Variants in DSCAM observed in about 807,000 individuals in gnomAD.
DSCAM encodes the protein cell adhesion molecule DSCAM.
A neutral mutation model predicts 217.7 loss-of-function variants in DSCAM; 47 were observed. The ratio of observed to expected loss-of-function variants is 0.22; its 90% CI spans 0.17 to 0.28. DSCAM has a LOEUF of 0.28. Ranked by LOEUF, DSCAM falls within the 10% of genes least tolerant of loss-of-function variation. DSCAM has a pLI of 1.00. For synonymous variants in DSCAM, 1,056 were observed against 1,015.3 expected (o/e 1.04, Z -0.76); for missense variants, 2,080 against 2,618.3 (o/e 0.79, Z 4.49).
At chr21:40,716,684 G>C (rs904486130) in intron 1 of DSCAM, among the ~76,000 whole-genome samples, 2 of 152,194 alleles carry the variant, frequency 1.3e-5, no homozygotes, top group Admixed American at 1.3e-4. Flanking sequence ...ACAGGGCAGG[G>C]TGAAAAGGGG....
intron 3 of DSCAM, among the ~76,000 whole-genome samples, chr21:40,571,396 CAA>C (rs1185348463): frequency 1.6e-4 from 24 of 152,078 alleles, no homozygotes; most frequent in Admixed American, 6.6e-5. Flanking sequence ...ATGAATGCTT[CAA>C]AAAATCACAT....
At chr21:40,390,271 G>A (rs2075122086) in intron 3 of DSCAM, among the ~76,000 whole-genome samples, 1 of 152,182 alleles carries the variant, frequency 6.6e-6, no homozygotes, top group African/African-American at 2.4e-5. Flanking sequence ...CTGCACAGGG[G>A]TAAAAAGTGT....
intron 3 of DSCAM, among the ~76,000 whole-genome samples, chr21:40,435,193 C>T (rs1302695921): frequency 6.6e-6 from 1 of 152,202 alleles, no homozygotes; most frequent in East Asian, 1.9e-4. Context: ...AGTGGCCTTG[C>T]CCCGCAGCTG....
intron 3 of DSCAM, among the ~76,000 whole-genome samples, chr21:40,386,603 C>T (rs1221445584): frequency 6.6e-6 from 1 of 152,212 alleles, no homozygotes; most frequent in Non-Finnish European, 1.5e-5. Context: ...ATAGTGAGTG[C>T]CCGTGGATCT....
At chr21:40,306,234 C>T (rs972005846) in intron 9 of DSCAM, among the ~76,000 whole-genome samples, 1 of 144,636 alleles carries the variant, frequency 6.9e-6, no homozygotes, top group African/African-American at 2.8e-5. Flanking sequence ...CATAATTTGG[C>T]TCTCTGTTTG....
chr21:40,513,854 T>A (rs1162725111), intron 3 of DSCAM, among the ~76,000 whole-genome samples: 1 of 152,068 alleles, frequency 6.6e-6, no homozygotes, highest in East Asian at 1.9e-4. Context: ...AAAAACTGTA[T>A]GTAACAACAA....
intron 27 of DSCAM, among the ~76,000 whole-genome samples, chr21:40,070,550 G>A (rs914577908): frequency 2.0e-5 from 3 of 152,300 alleles, no homozygotes; most frequent in Admixed American, 1.3e-4. Context: ...GTGCATGTGT[G>A]CTACTCATGC....
intron 3 of DSCAM, among the ~76,000 whole-genome samples, chr21:40,402,956 G>A (rs1357154427): frequency 6.8e-6 from 1 of 147,538 alleles, no homozygotes; most frequent in African/African-American, 2.6e-5. Context: ...AGAAAATTTG[G>A]AAGCAAGATT....
At chr21:40,120,876 G>A (rs901014049) in intron 20 of DSCAM, among the ~76,000 whole-genome samples, 1 of 149,646 alleles carries the variant, frequency 6.7e-6, no homozygotes, top group Non-Finnish European at 1.5e-5. Flanking sequence ...GACATTATAT[G>A]TCACATATTA....
intron 2 of DSCAM, 27 bp downstream of exon 2, chr21:40,708,427 A>T: frequency 7.2e-7 from 1 of 1,386,380 alleles, no homozygotes; most frequent in Non-Finnish European, 9.4e-7. Context: ...CAGGCACAGA[A>T]AAAACAAAGC....
chr21:40,810,784 A>G (rs1204164145), intron 1 of DSCAM, among the ~76,000 whole-genome samples: 1 of 152,054 alleles, frequency 6.6e-6, no homozygotes, highest in African/African-American at 2.4e-5. Flanking sequence ...GTGTGACTGT[A>G]CTCCCAGCTA....
At chr21:40,762,022 T>A (rs978339407) in intron 1 of DSCAM, among the ~76,000 whole-genome samples, 5 of 151,894 alleles carry the variant, frequency 3.3e-5, no homozygotes, top group African/African-American at 1.2e-4. Context: ...AGAAGTAAAA[T>A]CAACACCCTA....
At chr21:40,557,673 C>T (rs1568903036) in intron 3 of DSCAM, among the ~76,000 whole-genome samples, 1 of 152,176 alleles carries the variant, frequency 6.6e-6, no homozygotes, top group Non-Finnish European at 1.5e-5. Context: ...TGTACATGCG[C>T]ACTTCTCTTC....
At chr21:40,105,653 A>T (rs1426686299) in intron 20 of DSCAM, among the ~76,000 whole-genome samples, 1 of 152,182 alleles carries the variant, frequency 6.6e-6, no homozygotes, top group Non-Finnish European at 1.5e-5. Flanking sequence ...AAGTCACTCA[A>T]TCTTGAGTAT....
At chr21:40,546,049 C>T (rs1284935935) in intron 3 of DSCAM, among the ~76,000 whole-genome samples, 2 of 152,234 alleles carry the variant, frequency 1.3e-5, no homozygotes, top group Non-Finnish European at 2.9e-5. Context: ...TGATCTGGTA[C>T]CAGGACCTGG....
chr21:40,089,970 T>C (rs2089585188), intron 21 of DSCAM, among the ~76,000 whole-genome samples: 1 of 152,168 alleles, frequency 6.6e-6, no homozygotes, highest in South Asian at 2.1e-4. Flanking sequence ...GGTCTTACTG[T>C]TTCTTTAGTA....
At chr21:40,595,930 C>G (rs1037264921) in intron 3 of DSCAM, among the ~76,000 whole-genome samples, 3 of 152,170 alleles carry the variant, frequency 2.0e-5, no homozygotes, top group African/African-American at 7.2e-5. Context: ...TAATGGGATC[C>G]ACAGGCGGCA....
chr21:40,113,804 C>T (rs1268448692), intron 20 of DSCAM, among the ~76,000 whole-genome samples: 1 of 152,172 alleles, frequency 6.6e-6, no homozygotes, highest in Non-Finnish European at 1.5e-5. Flanking sequence ...ACTGAACTCC[C>T]ATTTACAACT....
At chr21:40,532,911 C>A (rs767252379) in intron 3 of DSCAM, among the ~76,000 whole-genome samples, 1 of 135,476 alleles carries the variant, frequency 7.4e-6, no homozygotes, top group Non-Finnish European at 1.6e-5. Context: ...TGTGTGTGTG[C>A]ACACGCACGC....
Sources: gnomAD v4.1 joint callset for allele counts (sites outside exome capture counted in the v4.1 genomes callset) on GRCh38, gnomAD v4.1.1 for gene constraint, MANE v1.5 for transcripts, NCBI Gene and HGNC (gene_info 2026-07-23, HGNC 2026-07-21) for gene names.